SYT2: variants seen among roughly 807,000 people sequenced by gnomAD.
SYT2 encodes the protein synaptotagmin-2.
A neutral mutation model predicts 39.9 loss-of-function variants in SYT2; 15 were observed. The ratio of observed to expected loss-of-function variants is 0.38; its 90% CI spans 0.25 to 0.58. SYT2 has a LOEUF of 0.58. Among genes scored for constraint, SYT2 ranks in the 20% least tolerant of loss-of-function variants. The pLI is 0.70. For synonymous variants in SYT2, 181 were observed against 204.5 expected (o/e 0.89, Z 0.98); for missense variants, 389 against 530.3 (o/e 0.73, Z 2.62).
At chr1:202,633,229 C>T (rs1691644936) in intron 1 of SYT2, among the ~76,000 whole-genome samples, 1 of 152,072 alleles carries the variant, frequency 6.6e-6, no homozygotes, top group African/African-American at 2.4e-5. Context: ...ATGCTGGGCA[C>T]CCACTGGGTG....
At chr1:202,699,175 C>A (rs1654050943) in intron 1 of SYT2, among the ~76,000 whole-genome samples, 1 of 151,890 alleles carries the variant, frequency 6.6e-6, no homozygotes, top group Non-Finnish European at 1.5e-5. Context: ...AGCATGCCAC[C>A]ACGTCCAGCT....
chr1:202,691,531 T>C (rs1286406460), intron 1 of SYT2, among the ~76,000 whole-genome samples: 1 of 151,662 alleles, frequency 6.6e-6, no homozygotes, highest in Admixed American at 6.6e-5. Flanking sequence ...GCACCTGCAG[T>C]TCCAGCTACC....
intron 1 of SYT2, among the ~76,000 whole-genome samples, chr1:202,667,210 G>A (rs1692494996): frequency 6.6e-6 from 1 of 152,190 alleles, no homozygotes; most frequent in South Asian, 2.1e-4. Context: ...AGGAAAAAAA[G>A]GAGGAGGTGG....
chr1:202,631,606 G>A (rs1359173224), intron 1 of SYT2, among the ~76,000 whole-genome samples: 3 of 152,086 alleles, frequency 2.0e-5, no homozygotes, highest in African/African-American at 2.4e-5. Flanking sequence ...AGTGACTTGC[G>A]GCTCCTTCAC....
intron 1 of SYT2, among the ~76,000 whole-genome samples, chr1:202,697,824 C>T (rs1572685945): frequency 1.3e-5 from 2 of 152,222 alleles, no homozygotes; most frequent in Admixed American, 6.5e-5. Context: ...TTGTCAATTA[C>T]ACCTCAATAG....
chr1:202,693,326 G>C (rs998723220), intron 1 of SYT2, among the ~76,000 whole-genome samples: 14 of 152,176 alleles, frequency 9.2e-5, no homozygotes, highest in African/African-American at 3.4e-4. Context: ...TAAATAGGCA[G>C]ACCATATTTC....
chr1:202,657,233 C>G (rs1692292861), intron 1 of SYT2, among the ~76,000 whole-genome samples: 1 of 152,228 alleles, frequency 6.6e-6, no homozygotes, highest in South Asian at 2.1e-4. Flanking sequence ...CTGGCACAGC[C>G]AGTCCAAGCA....
At chr1:202,608,401 C>T (rs1027670376) in intron 1 of SYT2, among the ~76,000 whole-genome samples, 1 of 151,978 alleles carries the variant, frequency 6.6e-6, no homozygotes, top group Non-Finnish European at 1.5e-5. Context: ...CTCAGCTTCC[C>T]GAGTAGCTGG....
intron 1 of SYT2, among the ~76,000 whole-genome samples, chr1:202,670,684 G>A (rs1464819600): frequency 6.6e-6 from 1 of 152,220 alleles, no homozygotes; most frequent in African/African-American, 2.4e-5. Context: ...CAACATGGGT[G>A]GGCGAGATGG....
chr1:202,645,960 C>T (rs983103564), intron 1 of SYT2, among the ~76,000 whole-genome samples: 4 of 152,214 alleles, frequency 2.6e-5, no homozygotes, highest in Non-Finnish European at 5.9e-5. Context: ...TCAACTTTCC[C>T]AGGAGGCAGC....
intron 1 of SYT2, chr1:202,639,946 G>T: frequency 1.9e-6 from 1 of 536,052 alleles, no homozygotes; most frequent in Non-Finnish European, 2.4e-6. Flanking sequence ...CCCATCCCTT[G>T]TGCATTAGTC....
chr1:202,666,450 C>T (rs900100689), intron 1 of SYT2, among the ~76,000 whole-genome samples: 1 of 152,232 alleles, frequency 6.6e-6, no homozygotes, highest in East Asian at 1.9e-4. Flanking sequence ...CTTCTTTAGG[C>T]CCACACATAA....
intron 1 of SYT2, among the ~76,000 whole-genome samples, chr1:202,636,073 T>C (rs891033665): frequency 2.6e-5 from 4 of 152,300 alleles, no homozygotes; most frequent in Non-Finnish European, 5.9e-5. Flanking sequence ...CCTCAGTCTG[T>C]CTGGGGCTCA....
At chr1:202,704,029 C>T (rs1463721223) in intron 1 of SYT2, among the ~76,000 whole-genome samples, 1 of 152,204 alleles carries the variant, frequency 6.6e-6, no homozygotes, top group Non-Finnish European at 1.5e-5. Context: ...ACAAATGCCT[C>T]GGGGGAGCTT....
chr1:202,646,485 A>AC (rs1490564897), intron 1 of SYT2, among the ~76,000 whole-genome samples: 1 of 151,598 alleles, frequency 6.6e-6, no homozygotes, highest in Non-Finnish European at 1.5e-5. Context: ...GAGGGCAAGG[A>AC]CCCCTGCTCA....
intron 1 of SYT2, among the ~76,000 whole-genome samples, chr1:202,684,130 A>G (rs548978808): frequency 6.6e-6 from 1 of 152,326 alleles, no homozygotes; most frequent in African/African-American, 2.4e-5. Context: ...TGAAATCATT[A>G]CTACAGGTAA....
chr1:202,671,088 C>T (rs1692580774), intron 1 of SYT2, among the ~76,000 whole-genome samples: 1 of 152,224 alleles, frequency 6.6e-6, no homozygotes, highest in Admixed American at 6.5e-5. Context: ...ATGAAGCAGT[C>T]AGACCAGCAA....
intron 1 of SYT2, among the ~76,000 whole-genome samples, chr1:202,663,811 G>A (rs1220318696): frequency 1.3e-5 from 2 of 152,276 alleles, no homozygotes; most frequent in Middle Eastern, 6.8e-3. Flanking sequence ...TGCACTCGCT[G>A]TGCCTGGGTG....
At chr1:202,636,923 T>C (rs11585535) in intron 1 of SYT2, among the ~76,000 whole-genome samples, 59,272 of 152,066 alleles carry the variant, frequency 0.39, 13,412 homozygotes, top group African/African-American at 0.63. Context: ...GAGCTGGCAT[T>C]TGAATACAGG....
Sources: allele counts gnomAD v4.1 joint callset (sites outside exome capture counted in the v4.1 genomes callset), GRCh38; gene constraint gnomAD v4.1.1; transcripts MANE v1.5; gene names NCBI Gene and HGNC (gene_info 2026-07-23, HGNC 2026-07-21).